Variants in SNX18 observed in about 807,000 individuals in gnomAD.
The protein encoded by SNX18 is sorting nexin-18.
Under a neutral mutation model 48.7 loss-of-function variants are expected in SNX18, and 35 were observed. The observed-to-expected ratio is 0.72, with a 90% CI of 0.55 to 0.95. The LOEUF (loss-of-function observed/expected upper bound fraction) is 0.95, where lower values mean the gene tolerates loss of function less well. Among genes scored for constraint, SNX18 ranks in the 40% least tolerant of loss-of-function variants. The pLI is 0.00. For synonymous variants in SNX18, 492 were observed against 384.7 expected, an observed-to-expected ratio of 1.28 and a Z score of -3.26; for missense variants, 824 against 871.0, an observed-to-expected ratio of 0.95 and a Z score of 0.68.
At chr5:54,621,714 G>A in the SNX18 span, among the ~76,000 whole-genome samples, 2 of 152,198 alleles carry the variant, frequency 1.3e-5, no homozygotes, top group Admixed American at 1.3e-4. Context: ...TCAGAGAAGG[G>A]TTAAAGATAG....
At chr5:54,574,202 G>T in the SNX18 span, among the ~76,000 whole-genome samples, 1 of 152,202 alleles carries the variant, frequency 6.6e-6, no homozygotes, top group Non-Finnish European at 1.5e-5. Context: ...TGTCACCTGG[G>T]ACCTCACAAG....
the SNX18 span, among the ~76,000 whole-genome samples, chr5:54,636,048 G>A: frequency 2.0e-5 from 3 of 152,124 alleles, no homozygotes; most frequent in Non-Finnish European, 2.9e-5. Context: ...CCCATCACTG[G>A]CTGACTGGGG....
intron 1 of SNX18, among the ~76,000 whole-genome samples, chr5:54,536,172 G>A (rs1207560057): frequency 1.3e-5 from 2 of 152,092 alleles, no homozygotes; most frequent in African/African-American, 4.8e-5. Flanking sequence ...TCACTGTATT[G>A]GGATGTGGTT....
chr5:54,521,390 A>G (rs1278533579), intron 1 of SNX18, among the ~76,000 whole-genome samples: 6 of 152,208 alleles, frequency 3.9e-5, no homozygotes, highest in African/African-American at 1.4e-4. Flanking sequence ...AGTTTACAGC[A>G]ATGGTCTACT....
chr5:54,530,428 T>C (rs1041886492), intron 1 of SNX18, among the ~76,000 whole-genome samples: 6 of 152,286 alleles, frequency 3.9e-5, no homozygotes, highest in Non-Finnish European at 7.3e-5. Flanking sequence ...GAGCTAGGAT[T>C]CGAGTGCATT....
chr5:54,561,199 C>T, the SNX18 span, among the ~76,000 whole-genome samples: 2 of 152,056 alleles, frequency 1.3e-5, no homozygotes, highest in South Asian at 2.1e-4. Context: ...TGCACCACCA[C>T]GCCTGGCTAA....
the SNX18 span, among the ~76,000 whole-genome samples, chr5:54,611,018 C>G: frequency 6.6e-6 from 1 of 152,168 alleles, no homozygotes; most frequent in African/African-American, 2.4e-5. Flanking sequence ...ACAGAACAGA[C>G]TGAATATTTA....
At chr5:54,524,855 C>T (rs1413327408) in intron 1 of SNX18, among the ~76,000 whole-genome samples, 1 of 152,244 alleles carries the variant, frequency 6.6e-6, no homozygotes, top group Non-Finnish European at 1.5e-5. Flanking sequence ...GCTACAGAGA[C>T]AGGTCAGCCA....
the SNX18 span, among the ~76,000 whole-genome samples, chr5:54,588,306 C>CT: frequency 5.7e-4 from 42 of 73,918 alleles, 3 homozygotes; most frequent in East Asian, 2.4e-3. Flanking sequence ...TATTTCTATT[C>CT]TTTTTTTTTT....
rs763906680 is a variant in SNX18 at position 54,543,237 on chromosome 5, G to A, written c.1680G>A (p.Val560=). The A allele has an allele frequency of 6.2e-7, 1 of 1,614,014 alleles. No homozygotes were observed. Among genetic ancestry groups the A allele is most frequent in the Admixed American group, 1.7e-5 (1 of 60,002 alleles). The part of the protein sequence containing the change: ...RRHVEEGKME[V]QKADGIQDRC... ...ACGTGGAGGAAGGGAAGATGGAGGT[G>A]CAGAAGGCTGACGGCATTCAGGATC... is the stretch of plus-strand genomic sequence containing the variant. The change falls in exon 2 of 2, where the codon GTG becomes GTA. Residue 560 remains valine (V), a synonymous_variant. Transcript: ENST00000381410.
chr5:54,598,173 A>T, the SNX18 span, among the ~76,000 whole-genome samples: 1 of 152,220 alleles, frequency 6.6e-6, no homozygotes, highest in Non-Finnish European at 1.5e-5. Flanking sequence ...CCCAAGACTG[A>T]ACTGGGAAGA....
chr5:54,532,424 CCATTATATGG>C (rs2112848871), intron 1 of SNX18, among the ~76,000 whole-genome samples: 1 of 149,174 alleles, frequency 6.7e-6, no homozygotes, highest in South Asian at 2.1e-4. Context: ...TGAATTTGAA[CCATTATATGG>C]GTTTTACTTT....
the SNX18 span, among the ~76,000 whole-genome samples, chr5:54,634,998 G>A: frequency 2.6e-3 from 402 of 151,754 alleles, 2 homozygotes; most frequent in Admixed American, 4.4e-3. Context: ...TAAAGCAGCC[G>A]GAAAATAATT....
the SNX18 span, among the ~76,000 whole-genome samples, chr5:54,646,238 T>TTCTCTC: frequency 6.6e-6 from 1 of 152,214 alleles, no homozygotes; most frequent in African/African-American, 2.4e-5. Flanking sequence ...ATCCAGATTT[T>TTCTCTC]TATCTCTCTC....
chr5:54,560,332 A>G, the SNX18 span, among the ~76,000 whole-genome samples: 1 of 152,230 alleles, frequency 6.6e-6, no homozygotes, highest in Non-Finnish European at 1.5e-5. Context: ...AGGAACATGG[A>G]TGGAGCTGGA....
Position 54,518,380 on chromosome 5 carries a change from G to C in SNX18, c.428G>C (p.Gly143Ala), listed in dbSNP as rs368288748. ...LQPSPQQLYGGYQASQGSDDD... is the reference protein window; with the variant it reads ...LQPSPQQLYGAYQASQGSDDD... ...CCGTCGCCTCAGCAGCTCTACGGCG[G>C]CTACCAGGCCAGCCAAGGCAGCGAT... The change falls in exon 1 of 2, where the codon GGC (glycine) becomes GCC (alanine). Residue 143 changes from glycine (G) to alanine (A), a missense_variant. Coordinates refer to ENST00000381410, the MANE Select transcript of SNX18 (RefSeq NM_001102575.2). 1 of 1,571,620 alleles carries C rather than the reference G, an allele frequency of 6.4e-7. No individual in the cohort carries two copies. The highest frequency in any genetic ancestry group is 1.2e-5 in the South Asian group (1 of 86,046).
Position 54,519,532 on chromosome 5 carries a change from G to A in SNX18, c.1580G>A (p.Gly527Glu). The part of the protein sequence containing the change: ...PVMDLLALYQ[G>E]HLANFPDIIH... ...ATGGACCTATTAGCGCTGTATCAGG[G>A]GCATCTGGCTAACTTCCCGGACATC... The change falls in exon 1 of 2, where the codon GGG becomes GAG. Residue 527 changes from glycine (G) to glutamate (E), a missense_variant. Gly to Glu is a moderately conservative substitution (Grantham distance 98). This residue lies in a region of SNX18 where 443 missense variants were observed against 503.6 expected (regional missense o/e 0.88). Transcript: ENST00000381410. 1 of 1,614,220 alleles carries A rather than the reference G, an allele frequency of 6.2e-7. No individual in the cohort carries two copies. Among genetic ancestry groups the A allele is most frequent in the Non-Finnish European group, 8.5e-7 (1 of 1,180,032 alleles).
chr5:54,518,252 G>C lies in SNX18; in HGVS notation c.300G>C (p.Pro100=), dbSNP rs754561879. 138 of 1,460,524 alleles carry C rather than the reference G, an allele frequency of 9.4e-5. No individual in the cohort carries two copies. Among genetic ancestry groups the C allele is most frequent in the Non-Finnish European group, 5.5e-5 (61 of 1,112,624 alleles). The allele number at this position is 1,460,524 out of a possible 1,614,324, so 90.5% of individuals were successfully genotyped here. ...PVAPPASFKP[P]PDAFQALLQP... ...CGCCCCCCGCCTCCTTCAAGCCGCC[G>C]CCTGACGCCTTCCAGGCGCTGCTGC... The change falls in exon 1 of 2, where the codon CCG becomes CCC. Residue 100 remains proline (P), a synonymous_variant. Transcript: ENST00000381410.
At chr5:54,522,883 T>C (rs2112838765) in intron 1 of SNX18, among the ~76,000 whole-genome samples, 1 of 152,354 alleles carries the variant, frequency 6.6e-6, no homozygotes, top group East Asian at 1.9e-4. Flanking sequence ...AAGAAAGCGA[T>C]ATACTTCCTT....
Sources: allele counts gnomAD v4.1 joint callset (sites outside exome capture counted in the v4.1 genomes callset), GRCh38; gene constraint gnomAD v4.1.1; regional missense constraint gnomAD v4.1.1; transcripts MANE v1.5; gene names NCBI Gene and HGNC (gene_info 2026-07-23, HGNC 2026-07-21).